Variants in RFX3 observed in about 807,000 individuals in gnomAD.
RFX3 encodes transcription factor RFX3.
In RFX3, 14 loss-of-function variants were observed where a neutral mutation model predicts 98.6. That is an observed-to-expected ratio of 0.14 (90% CI 0.09 to 0.22). The LOEUF (loss-of-function observed/expected upper bound fraction) is 0.22. RFX3 is among the 10% of genes least tolerant of loss of function. The pLI is 1.00. For missense variants in RFX3, 639 were observed against 926.9 expected, an observed-to-expected ratio of 0.69 and a Z score of 4.03; for synonymous variants, 383 against 328.4, an observed-to-expected ratio of 1.17 and a Z score of -1.80.
At chr9:3,352,408 T>C (rs1192583204) in intron 2 of RFX3, among the ~76,000 whole-genome samples, 1 of 152,024 alleles carries the variant, frequency 6.6e-6, no homozygotes, top group Non-Finnish European at 1.5e-5. Context: ...TCATCTTTTA[T>C]TCTGCATATT....
At chr9:3,385,580 C>T (rs1002692202) in intron 2 of RFX3, among the ~76,000 whole-genome samples, 3 of 151,130 alleles carry the variant, frequency 2.0e-5, no homozygotes, top group African/African-American at 7.3e-5. Context: ...TGGCAGTGTG[C>T]GCCTGTAATC....
At chr9:3,383,853 C>T (rs1421824518) in intron 2 of RFX3, among the ~76,000 whole-genome samples, 1 of 151,988 alleles carries the variant, frequency 6.6e-6, no homozygotes, top group Non-Finnish European at 1.5e-5. Context: ...GTAAAACTTT[C>T]AACACACATT....
Position 3,510,458 on chromosome 9 carries a change from C to T in RFX3, c.-9+15289G>A, listed in dbSNP as rs568431011. Among the ~76,000 whole-genome samples the T allele has an allele frequency of 3.1e-4, 47 of 152,072 alleles. No homozygotes were observed. In the South Asian group the frequency reaches 9.3e-3, roughly 30 times the overall value. On this transcript the variant is annotated intron_variant, in intron 1 of 16. Transcript: ENST00000617270. ...GAATAAGTGGATCAATATTATTATTCCCACACTGAAAATGGCTGATTTTTA... is the reference window on the plus strand; with the variant it reads ...GAATAAGTGGATCAATATTATTATTTCCACACTGAAAATGGCTGATTTTTA...
intron 1 of RFX3, among the ~76,000 whole-genome samples, chr9:3,436,476 G>C (rs987354076): frequency 3.9e-5 from 6 of 151,998 alleles, no homozygotes; most frequent in African/African-American, 1.4e-4. Context: ...TTAGTAAAAA[G>C]ATAAACACTA....
At chr9:3,244,796 G>C (rs896260302) in intron 15 of RFX3, among the ~76,000 whole-genome samples, 13 of 152,178 alleles carry the variant, frequency 8.5e-5, no homozygotes, top group Non-Finnish European at 1.8e-4. Context: ...AACAAAGTTT[G>C]TAGCTATAGT....
At chr9:3,362,829 C>A (rs777278751) in intron 2 of RFX3, among the ~76,000 whole-genome samples, 1 of 152,136 alleles carries the variant, frequency 6.6e-6, no homozygotes, top group Non-Finnish European at 1.5e-5. Flanking sequence ...CATCAAAGAG[C>A]AGAAGCTACT....
chr9:3,231,901 T>TA (rs1485204749), intron 15 of RFX3, among the ~76,000 whole-genome samples: 1 of 151,826 alleles, frequency 6.6e-6, no homozygotes, highest in Non-Finnish European at 1.5e-5. Flanking sequence ...CCATCTCCAC[T>TA]AAAAATATAA....
chr9:3,512,207 A>G (rs973245718), intron 1 of RFX3, among the ~76,000 whole-genome samples: 10 of 152,028 alleles, frequency 6.6e-5, no homozygotes, highest in African/African-American at 1.9e-4. Flanking sequence ...TGTTGTTAGC[A>G]TAAGATTTAA....
At chr9:3,466,820 T>C (rs535149883) in intron 1 of RFX3, among the ~76,000 whole-genome samples, 3 of 151,980 alleles carry the variant, frequency 2.0e-5, no homozygotes, top group South Asian at 4.1e-4. Flanking sequence ...TTTTATAAGT[T>C]TCTATCCCTG....
chr9:3,430,937 A>G (rs1182472478), intron 1 of RFX3, among the ~76,000 whole-genome samples: 1 of 152,210 alleles, frequency 6.6e-6, no homozygotes, highest in African/African-American at 2.4e-5. Context: ...CCATTATAAA[A>G]AGTTAAAATG....
In RFX3 at chr9:3,365,783, A is replaced by G. The variant is rs1007237907; in HGVS notation, c.118-19019T>C. ...CCTGCTATTCCACTTCACAGAGATA[A>G]TGGTATACAATCCTCCAACCCCCTA... On this transcript the variant is annotated intron_variant, in intron 2 of 16. Coordinates refer to ENST00000617270, the MANE Select transcript of RFX3 (RefSeq NM_001282116.2). Among the ~76,000 whole-genome samples the G allele has an allele frequency of 2.0e-5, 3 of 152,138 alleles. No individual in the cohort carries two copies. The East Asian group carries it at 5.9e-4, about 30-fold the overall frequency.
rs535101306 is a variant in RFX3, at chr9:3,392,762, G to T, written c.117+2710C>A. Among the ~76,000 whole-genome samples, 374 of 152,052 alleles carry T rather than the reference G, an allele frequency of 2.5e-3. 1 individual carries two copies. Among genetic ancestry groups the T allele is most frequent in the African/African-American group, 7.9e-3 (326 of 41,484 alleles). On this transcript the variant is annotated intron_variant, in intron 2 of 16. Transcript: ENST00000617270. ...CACATAAACCACATAAAAAAGATCA[G>T]AAATCAGATTGGTGTTTGGCTTGTC... is the stretch of plus-strand genomic sequence containing the variant.
At chr9:3,469,558 T>G (rs973075440) in intron 1 of RFX3, among the ~76,000 whole-genome samples, 1 of 152,198 alleles carries the variant, frequency 6.6e-6, no homozygotes, top group Non-Finnish European at 1.5e-5. Flanking sequence ...TTGTTTTTAC[T>G]GGGTCAATGA....
At chr9:3,418,718 C>A (rs891727775) in intron 1 of RFX3, among the ~76,000 whole-genome samples, 1 of 152,070 alleles carries the variant, frequency 6.6e-6, no homozygotes, top group Non-Finnish European at 1.5e-5. Flanking sequence ...CTAATTTAAA[C>A]GTTTTAAATT....
At chr9:3,520,334 T>C (rs1818583690) in intron 1 of RFX3, among the ~76,000 whole-genome samples, 1 of 152,206 alleles carries the variant, frequency 6.6e-6, no homozygotes, top group Non-Finnish European at 1.5e-5. Context: ...AAATATGGAC[T>C]AGTACAGATA....
At chr9:3,374,124 C>T (rs1838182127) in intron 2 of RFX3, among the ~76,000 whole-genome samples, 1 of 151,910 alleles carries the variant, frequency 6.6e-6, no homozygotes, top group South Asian at 2.1e-4. Flanking sequence ...ACAAACCCCA[C>T]AACTACCACT....
intron 1 of RFX3, among the ~76,000 whole-genome samples, chr9:3,498,527 T>C (rs1851272445): frequency 6.6e-6 from 1 of 152,090 alleles, no homozygotes; most frequent in South Asian, 2.1e-4. Context: ...AGTACACTTT[T>C]AAGTTGTTGA....
At chr9:3,492,856 C>G (rs1359005645) in intron 1 of RFX3, among the ~76,000 whole-genome samples, 1 of 152,094 alleles carries the variant, frequency 6.6e-6, no homozygotes, top group Admixed American at 6.5e-5. Flanking sequence ...TTGATTTAAC[C>G]ACTTCTTTAC....
intron 1 of RFX3, among the ~76,000 whole-genome samples, chr9:3,427,189 CTTA>C (rs1181084263): frequency 1.4e-5 from 2 of 145,792 alleles, no homozygotes; most frequent in Admixed American, 7.0e-5. Flanking sequence ...CGTGCAGTAA[CTTA>C]TTATATACTA....
Sources: gnomAD v4.1 joint callset for allele counts (sites outside exome capture counted in the v4.1 genomes callset) on GRCh38, gnomAD v4.1.1 for gene constraint, MANE v1.5 for transcripts, NCBI Gene and HGNC (gene_info 2026-07-23, HGNC 2026-07-21) for gene names.